Variants in TGM3 observed in about 807,000 individuals in gnomAD.
TGM3 encodes the protein protein-glutamine gamma-glutamyltransferase E.
Under a neutral mutation model 73.8 loss-of-function variants are expected in TGM3, and 52 were observed. The ratio of observed to expected loss-of-function variants is 0.70; its 90% confidence interval spans 0.56 to 0.89. The LOEUF is 0.89. Among genes scored for constraint, TGM3 ranks in the 40% least tolerant of loss-of-function variants. The probability of loss-of-function intolerance (pLI) is 0.00; values close to 1 mark genes in which losing one functional copy is unlikely to be tolerated. For synonymous variants in TGM3, 372 were observed against 354.9 expected (o/e 1.05, Z -0.54); for missense variants, 928 against 909.9 (o/e 1.02, Z -0.26).
intron 1 of TGM3, among the ~76,000 whole-genome samples, chr20:2,307,139 A>G (rs1600692955): frequency 6.6e-6 from 1 of 152,312 alleles, no homozygotes; most frequent in South Asian, 2.1e-4. Flanking sequence ...TTCAATGAAT[A>G]TTTGTTAAAT....
intron 1 of TGM3, among the ~76,000 whole-genome samples, chr20:2,301,318 T>C (rs1378091700): frequency 6.6e-6 from 1 of 150,710 alleles, no homozygotes; most frequent in Admixed American, 6.6e-5. Flanking sequence ...AGCCTGTCGG[T>C]GACCAGGATC....
intron 1 of TGM3, among the ~76,000 whole-genome samples, chr20:2,300,040 G>T (rs2084134523): frequency 6.6e-6 from 1 of 151,830 alleles, no homozygotes; most frequent in South Asian, 2.1e-4. Flanking sequence ...CCAGGAGGCA[G>T]GGGTTGCAGT....
intron 7 of TGM3, among the ~76,000 whole-genome samples, chr20:2,317,943 C>T (rs76067080): frequency 1.4e-4 from 5 of 36,220 alleles, no homozygotes; most frequent in South Asian, 3.3e-3. Context: ...ATATATATAT[C>T]ATATATATAT....
At chr20:2,331,891 G>A (rs2122246629) in intron 9 of TGM3, 111 bp from the exon 10 acceptor site, 2 of 1,275,532 alleles carry the variant, frequency 1.6e-6, no homozygotes, top group East Asian at 4.7e-5. Context: ...GCCTGCTAGG[G>A]CAGCAATGGA....
rs45542633 is a variant in TGM3 at position 2,321,790 on chromosome 20, T to G, written c.984-4059T>G. Reference sequence around the variant, plus strand: ...AGAAACCCACACCGGAATTTCCACATGGCGCCACTGGGCATTGGAAAGATG... The same window carrying G: ...AGAAACCCACACCGGAATTTCCACAGGGCGCCACTGGGCATTGGAAAGATG... On this transcript the variant is annotated intron_variant, in intron 7 of 12. Coordinates refer to ENST00000381458, the MANE Select transcript of TGM3 (RefSeq NM_003245.4). Among the ~76,000 whole-genome samples the G allele has an allele frequency of 2.8e-4, 43 of 152,276 alleles. No individual in the cohort carries two copies. In the East Asian group the frequency reaches 7.9e-3, roughly 28 times the overall value.
chr20:2,328,989 C>A lies in TGM3; in HGVS notation c.1333+624C>A, dbSNP rs947127045. Among the ~76,000 whole-genome samples the A allele has an allele frequency of 1.3e-5, 2 of 152,152 alleles. No homozygotes were observed. Among genetic ancestry groups the A allele is most frequent in the African/African-American group, 4.8e-5 (2 of 41,438 alleles). ...GCCTCGACTCAATTATATTCACTGC[C>A]CAGAGTTTCTTTTGAAACCAGCAGC... On this transcript the variant is annotated intron_variant, in intron 9 of 12. Transcript: ENST00000381458. The surrounding 1 kb of genome is among the most constrained non-coding windows in gnomAD (Gnocchi z 5.2).
chr20:2,332,245 A>C lies in TGM3; in HGVS notation c.1577A>C (p.Tyr526Ser). The change falls in exon 10 of 13, where the codon TAC (tyrosine) becomes TCC (serine). Residue 526 changes from tyrosine (Y) to serine (S), a missense_variant. Transcript: ENST00000381458. The surrounding 1 kb of genome is among the most constrained non-coding windows in gnomAD (Gnocchi z 4.4). ...AACATGACAGCCTGGACCATCATCT[A>C]CAACGGCACGCTTGTACATGAAGTG... ...TVNMTAWTII[Y>S]NGTLVHEVWK... The C allele has an allele frequency of 6.2e-7, 1 of 1,613,988 alleles. No homozygotes were observed. The highest frequency in any genetic ancestry group is 1.1e-5 in the South Asian group (1 of 91,046).
At chr20:2,317,561 C>G (rs2084241619) in intron 7 of TGM3, 76 bp downstream of exon 7, 1 of 1,589,812 alleles carries the variant, frequency 6.3e-7, no homozygotes, top group Non-Finnish European at 8.6e-7. Flanking sequence ...CCTTCTGGGA[C>G]CCAGGTCCAA....
At chr20:2,304,357 G>T (rs1340512760) in intron 1 of TGM3, among the ~76,000 whole-genome samples, 2 of 152,170 alleles carry the variant, frequency 1.3e-5, no homozygotes, top group African/African-American at 4.8e-5. Flanking sequence ...TGATGAGCAC[G>T]CTCTCAGCTG....
intron 7 of TGM3, among the ~76,000 whole-genome samples, chr20:2,318,778 G>A (rs2084248728): frequency 1.3e-5 from 2 of 152,088 alleles, no homozygotes; most frequent in African/African-American, 4.8e-5. Flanking sequence ...ATCATTCCCA[G>A]AATAAGTATA....
intron 7 of TGM3, among the ~76,000 whole-genome samples, chr20:2,321,720 G>A (rs1468167247): frequency 6.6e-6 from 1 of 152,298 alleles, no homozygotes; most frequent in East Asian, 1.9e-4. Flanking sequence ...CAGGAAAGGA[G>A]TGGAGCCCGA....
chr20:2,301,739 C>T (rs1052616872), intron 1 of TGM3, among the ~76,000 whole-genome samples: 4 of 151,776 alleles, frequency 2.6e-5, no homozygotes, highest in Admixed American at 6.6e-5. Flanking sequence ...CTCCCTCTGT[C>T]GCCCAGGCAG....
chr20:2,310,250 G>A lies in TGM3; in HGVS notation c.254G>A (p.Ser85Asn). The A allele has an allele frequency of 4.3e-6, 7 of 1,614,242 alleles. No homozygotes were observed. Among genetic ancestry groups the A allele is most frequent in the Non-Finnish European group, 5.9e-6 (7 of 1,180,048 alleles). ...TCCAATGGCAGTAGTGGTGGCTGGA[G>A]TGCGGTGCTTCAGGCCAGCAATGGC... ...PLSNGSSGGW[S>N]AVLQASNGNT... The change falls in exon 3 of 13, where the codon AGT becomes AAT. Residue 85 changes from serine to asparagine, a missense_variant. Ser to Asn is a conservative substitution (Grantham distance 46). Coordinates refer to ENST00000381458, the MANE Select transcript of TGM3 (RefSeq NM_003245.4).
rs146227949 is a variant in TGM3, at chr20:2,317,075, G to A, written c.677G>A (p.Ser226Asn). 7.7e-4 allele frequency: 1,247 copies of A among 1,613,626 alleles called. No homozygotes were observed. Among genetic ancestry groups the A allele is most frequent in the Non-Finnish European group, 1.0e-3 (1,195 of 1,180,002 alleles). Reference protein sequence around the residue: ...VGRVLSAMINSNDDNGVLAGN... With the variant: ...VGRVLSAMINNNDDNGVLAGN... ...GGGGTGGTTTCTGCCCAGATCAATA[G>A]CAATGATGACAATGGTGTGCTTGCT... is the stretch of plus-strand genomic sequence containing the variant. The change falls in exon 6 of 13, where the codon AGC (serine) becomes AAC (asparagine). Residue 226 changes from serine to asparagine, a missense_variant. Coordinates refer to ENST00000381458, the MANE Select transcript of TGM3 (RefSeq NM_003245.4).
chr20:2,328,705 C>T lies in TGM3; in HGVS notation c.1333+340C>T, dbSNP rs963256962. Among the ~76,000 whole-genome samples the T allele has an allele frequency of 6.6e-6, 1 of 152,240 alleles. No individual in the cohort carries two copies. The highest frequency in any genetic ancestry group is 1.5e-5 in the Non-Finnish European group (1 of 68,040). On this transcript the variant is annotated intron_variant, in intron 9 of 12. Transcript: ENST00000381458. This position sits in a 1 kb window ranked among gnomAD's most constrained non-coding sequence, Gnocchi z 5.2. ...GGAGAGACATGGCCCCCATGAAAGG[C>T]CCCCAAGGGCTTTGGGAGAGATTTC...
intron 1 of TGM3, among the ~76,000 whole-genome samples, chr20:2,307,316 C>T (rs889438723): frequency 3.3e-5 from 5 of 152,054 alleles, no homozygotes; most frequent in African/African-American, 1.2e-4. Context: ...ATCTCCAGTG[C>T]TCTTGAGTGG....
rs1459451931 is a variant in TGM3, at chr20:2,305,991, C to T, written c.8-3666C>T. ...CTGACCTAGTGTGGCGTGCAAAATA[C>T]CCCTCATATTCTTCCTGCAGGTTTC... On this transcript the variant is annotated intron_variant, in intron 1 of 12. Transcript: ENST00000381458. Among the ~76,000 whole-genome samples the T allele has an allele frequency of 2.0e-5, 3 of 152,230 alleles. No homozygotes were observed. In the East Asian group the frequency reaches 5.8e-4, roughly 29 times the overall value.
At chr20:2,307,494 A>G (rs2084182133) in intron 1 of TGM3, among the ~76,000 whole-genome samples, 1 of 152,130 alleles carries the variant, frequency 6.6e-6, no homozygotes, top group Non-Finnish European at 1.5e-5. Context: ...GCACCCGGCA[A>G]AATTCTCTCT....
intron 7 of TGM3, among the ~76,000 whole-genome samples, chr20:2,325,091 T>C (rs1439734301): frequency 2.0e-5 from 3 of 152,180 alleles, no homozygotes; most frequent in African/African-American, 7.2e-5. Flanking sequence ...TATAGAAATA[T>C]TTTTTTCCAC....
Sources: allele counts gnomAD v4.1 joint callset (sites outside exome capture counted in the v4.1 genomes callset), GRCh38; gene constraint gnomAD v4.1.1; non-coding constraint Gnocchi (gnomAD v3.1); transcripts MANE v1.5; gene names NCBI Gene and HGNC (gene_info 2026-07-23, HGNC 2026-07-21).